Variants in ATE1 observed in about 807,000 individuals in gnomAD.
The protein encoded by ATE1 is arginyltransferase 1.
In ATE1, 36 loss-of-function variants were observed where a neutral mutation model predicts 70.5. The observed-to-expected ratio is 0.51, with a 90% CI of 0.39 to 0.67. The LOEUF (loss-of-function observed/expected upper bound fraction) is 0.67, where lower values mean the gene tolerates loss of function less well. Ranked by LOEUF, ATE1 falls within the 30% of genes least tolerant of loss-of-function variation. ATE1 has a pLI of 0.00. For missense variants in ATE1, 593 were observed against 629.5 expected, an observed-to-expected ratio of 0.94 and a Z score of 0.62; for synonymous variants, 232 against 219.3, an observed-to-expected ratio of 1.06 and a Z score of -0.51.
intron 10 of ATE1, among the ~76,000 whole-genome samples, chr10:121,823,420 G>C (rs937089688): frequency 1.3e-5 from 2 of 152,218 alleles, no homozygotes; most frequent in African/African-American, 4.8e-5. Context: ...CACAGAGAAT[G>C]ACTTCCTGGG....
chr10:121,740,910 C>T lies in ATE1; in HGVS notation c.*2770G>A, dbSNP rs999071268. 1.3e-5 allele frequency: 2 copies of T among 151,884 alleles called. No individual in the cohort carries two copies. Among genetic ancestry groups the T allele is most frequent in the Non-Finnish European group, 2.9e-5 (2 of 67,970 alleles). The allele number at this position is 151,884 out of a possible 1,614,324, so 9.4% of individuals were successfully genotyped here. ...CTGATATCATCTATCTTTTAGAATA[C>T]AAAAAAGTGCTCAGATTACATTTAA... On this transcript the variant is annotated 3_prime_UTR_variant, in exon 12 of 12. Coordinates refer to ENST00000224652, the MANE Select transcript of ATE1 (RefSeq NM_001001976.3).
intron 11 of ATE1, among the ~76,000 whole-genome samples, chr10:121,773,242 A>G (rs1217033130): frequency 6.6e-6 from 1 of 152,172 alleles, no homozygotes; most frequent in African/African-American, 2.4e-5. Flanking sequence ...ATTACACTAC[A>G]CTTTTCATGT....
At chr10:121,863,140 T>G (rs1949534354) in intron 8 of ATE1, among the ~76,000 whole-genome samples, 2 of 152,212 alleles carry the variant, frequency 1.3e-5, no homozygotes, top group African/African-American at 4.8e-5. Flanking sequence ...CATGTTATCT[T>G]GAGGCTCTAT....
chr10:121,759,813 T>C (rs143845271), intron 11 of ATE1, among the ~76,000 whole-genome samples: 1,577 of 151,284 alleles, frequency 0.01, 11 homozygotes, highest in African/African-American at 0.028. Flanking sequence ...GCCAAGATCA[T>C]CAAGAAGGTG....
rs144751721 is a variant in ATE1 at position 121,794,344 on chromosome 10, C to T, written c.1258-4055G>A. On this transcript the variant is annotated intron_variant, in intron 10 of 11. Coordinates refer to ENST00000224652, the MANE Select transcript of ATE1 (RefSeq NM_001001976.3). ...TATTACCAACATGAATAAGGAAACA[C>T]TAATAAAAATGGAATAGCATATCTT... Among the ~76,000 whole-genome samples the T allele has an allele frequency of 2.0e-3, 308 of 152,078 alleles. 2 individuals carry two copies. Among genetic ancestry groups the T allele is most frequent in the Admixed American group, 0.015 (231 of 15,282 alleles).
chr10:121,898,397 G>A (rs1449990178), intron 7 of ATE1, among the ~76,000 whole-genome samples: 1 of 152,222 alleles, frequency 6.6e-6, no homozygotes, highest in Non-Finnish European at 1.5e-5. Context: ...AATGTGTAAA[G>A]CAGGCGAGGC....
At chr10:121,822,880 T>C (rs1423130679) in intron 10 of ATE1, among the ~76,000 whole-genome samples, 1 of 152,190 alleles carries the variant, frequency 6.6e-6, no homozygotes, top group Non-Finnish European at 1.5e-5. Flanking sequence ...AATGTTCCTT[T>C]TGTCTGGGCA....
chr10:121,861,575 C>T (rs1949469461), intron 8 of ATE1, among the ~76,000 whole-genome samples: 1 of 138,942 alleles, frequency 7.2e-6, no homozygotes. Context: ...GGGAACATCA[C>T]ACTCTGGGGA....
chr10:121,745,690 G>A (rs1013098880), intron 11 of ATE1, among the ~76,000 whole-genome samples: 5 of 152,044 alleles, frequency 3.3e-5, no homozygotes, highest in African/African-American at 1.2e-4. Flanking sequence ...TGGCATCACT[G>A]CACTCCAGCC....
chr10:121,909,678 T>C (rs549402367), intron 5 of ATE1, among the ~76,000 whole-genome samples: 32 of 152,278 alleles, frequency 2.1e-4, no homozygotes, highest in Non-Finnish European at 4.0e-4. Flanking sequence ...AGTAATTTTA[T>C]TAAAAAATAA....
At chr10:121,833,869 A>C (rs1165066119) in intron 10 of ATE1, among the ~76,000 whole-genome samples, 1 of 152,206 alleles carries the variant, frequency 6.6e-6, no homozygotes. Context: ...TGAAAAAATA[A>C]TCTGGTACAG....
intron 7 of ATE1, among the ~76,000 whole-genome samples, chr10:121,887,696 G>A (rs980787263): frequency 1.3e-5 from 2 of 151,986 alleles, no homozygotes; most frequent in Non-Finnish European, 2.9e-5. Context: ...AACAGAGCAG[G>A]ACTCTGTCTC....
intron 8 of ATE1, among the ~76,000 whole-genome samples, chr10:121,848,279 T>C (rs545397298): frequency 2.4e-4 from 26 of 107,920 alleles, no homozygotes; most frequent in African/African-American, 8.0e-4. Flanking sequence ...TTAAATCTAA[T>C]GTGCGTTCAT....
intron 11 of ATE1, among the ~76,000 whole-genome samples, chr10:121,756,049 T>C (rs903650702): frequency 2.6e-5 from 4 of 152,156 alleles, no homozygotes; most frequent in Non-Finnish European, 5.9e-5. Context: ...GCCTGTAGAA[T>C]CAAAACTAAG....
chr10:121,825,883 A>C (rs1446886554), intron 10 of ATE1, among the ~76,000 whole-genome samples: 1 of 152,248 alleles, frequency 6.6e-6, no homozygotes, highest in Non-Finnish European at 1.5e-5. Context: ...CCCTGTGTCC[A>C]TAGCAGCATT....
At chr10:121,822,677 G>C (rs925311442) in intron 10 of ATE1, among the ~76,000 whole-genome samples, 2 of 152,132 alleles carry the variant, frequency 1.3e-5, no homozygotes, top group African/African-American at 4.8e-5. Context: ...TCCGTGCACA[G>C]TACTCATAAC....
At chr10:121,777,129 A>G (rs1230490992) in intron 11 of ATE1, among the ~76,000 whole-genome samples, 1 of 152,244 alleles carries the variant, frequency 6.6e-6, no homozygotes, top group Non-Finnish European at 1.5e-5. Flanking sequence ...ACATACAGTG[A>G]AACTGAGGCT....
At chr10:121,900,795 A>C (rs565790002) in intron 6 of ATE1, among the ~76,000 whole-genome samples, 9 of 152,208 alleles carry the variant, frequency 5.9e-5, no homozygotes, top group South Asian at 2.1e-4. Context: ...CAAAAAGTAC[A>C]AGTAACCACT....
intron 7 of ATE1, among the ~76,000 whole-genome samples, chr10:121,895,058 A>G (rs1389577435): frequency 6.6e-6 from 1 of 152,156 alleles, no homozygotes; most frequent in Non-Finnish European, 1.5e-5. Context: ...ATAAAAATCA[A>G]TTTTAAGAAA....
Sources: gnomAD v4.1 joint callset for allele counts (sites outside exome capture counted in the v4.1 genomes callset) on GRCh38, gnomAD v4.1.1 for gene constraint, MANE v1.5 for transcripts, NCBI Gene and HGNC (gene_info 2026-07-23, HGNC 2026-07-21) for gene names.